Variants in MCTP1 observed in about 807,000 individuals in gnomAD.
The protein encoded by MCTP1 is multiple C2 and transmembrane domain-containing protein 1.
MCTP1 carries 69 observed loss-of-function variants against 120.6 expected under a neutral mutation model. That is an observed-to-expected ratio of 0.57 (90% CI 0.47 to 0.70). The LOEUF is 0.70. Ranked by LOEUF, MCTP1 falls within the 30% of genes least tolerant of loss-of-function variation. The pLI is 0.00. For missense variants in MCTP1, 1,203 were observed against 1,248.8 expected (o/e 0.96, Z 0.55); for synonymous variants, 529 against 493.1 (o/e 1.07, Z -0.96).
At chr5:94,940,507 T>G (rs13180281) in intron 4 of MCTP1, among the ~76,000 whole-genome samples, 6,359 of 146,736 alleles carry the variant, frequency 0.043, 192 homozygotes, top group Middle Eastern at 0.085. Context: ...CCACAGAGAG[T>G]AGCGCCATAC....
chr5:94,767,146 C>A (rs1413133081), intron 19 of MCTP1, among the ~76,000 whole-genome samples: 2 of 152,184 alleles, frequency 1.3e-5, no homozygotes. Context: ...TGATACATCA[C>A]ATTAACAGAC....
At chr5:94,964,728 G>A (rs958755096) in intron 2 of MCTP1, among the ~76,000 whole-genome samples, 1 of 151,976 alleles carries the variant, frequency 6.6e-6, no homozygotes, top group African/African-American at 2.4e-5. Flanking sequence ...ATCTATATGT[G>A]TCCTTAAAGG....
At chr5:95,235,001 C>A (rs1755382645) in intron 1 of MCTP1, among the ~76,000 whole-genome samples, 1 of 152,012 alleles carries the variant, frequency 6.6e-6, no homozygotes, top group South Asian at 2.1e-4. Flanking sequence ...CCATTATTTC[C>A]CTGATAAACA....
rs568254447 is a variant in MCTP1 at position 94,813,711 on chromosome 5, C to A, written c.2437-14579G>T. Among the ~76,000 whole-genome samples, 5 of 152,074 alleles carry A rather than the reference C, an allele frequency of 3.3e-5. No individual in the cohort carries two copies. The East Asian group carries it at 7.8e-4, about 24-fold the overall frequency. On this transcript the variant is annotated intron_variant, in intron 17 of 22. Coordinates refer to ENST00000515393, the MANE Select transcript of MCTP1 (RefSeq NM_024717.7). Reference sequence around the variant, plus strand: ...GACCAGCCTGGGCAACATAGTGAGACCTTGTCTCTACAACAAAATTTTAAA... The same window carrying A: ...GACCAGCCTGGGCAACATAGTGAGAACTTGTCTCTACAACAAAATTTTAAA...
chr5:94,852,772 A>G (rs1581038415), intron 17 of MCTP1, among the ~76,000 whole-genome samples: 1 of 151,970 alleles, frequency 6.6e-6, no homozygotes, highest in Non-Finnish European at 1.5e-5. Flanking sequence ...TCCTATTATC[A>G]GTATGAATTC....
intron 17 of MCTP1, among the ~76,000 whole-genome samples, chr5:94,833,204 T>C (rs1431565173): frequency 6.6e-6 from 1 of 151,692 alleles, no homozygotes; most frequent in Admixed American, 6.6e-5. Flanking sequence ...TTTGTGTGCT[T>C]TTTTTTTGGC....
At chr5:94,833,546 C>T (rs1253467720) in intron 17 of MCTP1, among the ~76,000 whole-genome samples, 1 of 151,984 alleles carries the variant, frequency 6.6e-6, no homozygotes, top group Non-Finnish European at 1.5e-5. Flanking sequence ...ATGGAAAAAA[C>T]AAATTTGTTT....
intron 5 of MCTP1, among the ~76,000 whole-genome samples, chr5:94,936,299 TTATA>T (rs1276229199): frequency 6.6e-6 from 1 of 151,530 alleles, no homozygotes; most frequent in Admixed American, 6.6e-5. Flanking sequence ...ACTTTATGTA[TTATA>T]TATATATATT....
chr5:94,838,727 C>G (rs40172), intron 17 of MCTP1, among the ~76,000 whole-genome samples: 9 of 151,984 alleles, frequency 5.9e-5, no homozygotes, highest in Admixed American at 6.6e-5. Flanking sequence ...GTTGAGTGGA[C>G]AAATAAATGT....
At chr5:94,915,474 A>C (rs890864676) in intron 8 of MCTP1, among the ~76,000 whole-genome samples, 2 of 152,164 alleles carry the variant, frequency 1.3e-5, no homozygotes, top group African/African-American at 4.8e-5. Flanking sequence ...TGTGTTTATA[A>C]TATTTCAGCT....
At chr5:94,757,082 G>T (rs1425707928) in intron 19 of MCTP1, among the ~76,000 whole-genome samples, 1 of 152,138 alleles carries the variant, frequency 6.6e-6, no homozygotes, top group Non-Finnish European at 1.5e-5. Context: ...GTGAATGACA[G>T]AACCTACCTA....
chr5:95,107,373 T>TA lies in MCTP1; in HGVS notation c.721-89890dup, dbSNP rs1156735309. Among the ~76,000 whole-genome samples the TA allele has an allele frequency of 2.0e-5, 3 of 152,318 alleles. No homozygotes were observed. The South Asian group carries it at 6.2e-4, about 32-fold the overall frequency. On this transcript the variant is annotated intron_variant, in intron 1 of 22. Coordinates refer to ENST00000515393, the MANE Select transcript of MCTP1 (RefSeq NM_024717.7). ...AAAAGTTGCATGGCAACACCCTTCA[T>TA]AAAACTAGATGAGTCAAAAAAGAGA...
intron 19 of MCTP1, among the ~76,000 whole-genome samples, chr5:94,732,755 C>G (rs1209005899): frequency 1.3e-5 from 2 of 152,136 alleles, no homozygotes; most frequent in Non-Finnish European, 2.9e-5. Context: ...TGAAAGACAG[C>G]TGTCTATAGA....
intron 1 of MCTP1, among the ~76,000 whole-genome samples, chr5:95,198,177 G>A (rs1360315036): frequency 6.6e-6 from 1 of 151,918 alleles, no homozygotes; most frequent in Non-Finnish European, 1.5e-5. Flanking sequence ...ATATGTAAAT[G>A]CATATCTAAA....
chr5:94,879,774 T>C (rs1475500571), intron 12 of MCTP1, among the ~76,000 whole-genome samples: 1 of 152,138 alleles, frequency 6.6e-6, no homozygotes, highest in African/African-American at 2.4e-5. Flanking sequence ...TAGTTTTGGC[T>C]TCAGAGATCC....
intron 1 of MCTP1, among the ~76,000 whole-genome samples, chr5:95,119,297 T>C (rs1467050578): frequency 6.6e-6 from 1 of 152,120 alleles, no homozygotes; most frequent in Admixed American, 6.5e-5. Context: ...AGTGAGTCAA[T>C]GAAGACATTA....
At position 94,866,942 on chromosome 5, in the gene MCTP1, A is replaced by G. The variant is rs537249284; in HGVS notation, c.2436+1391T>C. ...ATTTCTGGTCTTTTCAAATTTTACA[A>G]ATAGCTGTGAGGAATGATTTTGGAA... On this transcript the variant is annotated intron_variant, in intron 17 of 22. Coordinates refer to ENST00000515393, the MANE Select transcript of MCTP1 (RefSeq NM_024717.7). 2.6e-5 allele frequency among the ~76,000 whole-genome samples: 4 copies of G among 152,032 alleles called. No individual in the cohort carries two copies. The East Asian group carries it at 7.8e-4, about 29-fold the overall frequency.
intron 3 of MCTP1, among the ~76,000 whole-genome samples, chr5:94,950,591 G>A (rs1047794359): frequency 6.6e-6 from 1 of 151,954 alleles, no homozygotes; most frequent in Non-Finnish European, 1.5e-5. Flanking sequence ...CACCTATACT[G>A]TATATTTATA....
At chr5:94,962,242 C>A (rs1212800667) in intron 2 of MCTP1, among the ~76,000 whole-genome samples, 11 of 151,960 alleles carry the variant, frequency 7.2e-5, no homozygotes, top group African/African-American at 2.7e-4. Flanking sequence ...GTGGAGATTC[C>A]TTAAAGAACT....
Sources: gnomAD v4.1 joint callset for allele counts (sites outside exome capture counted in the v4.1 genomes callset) on GRCh38, gnomAD v4.1.1 for gene constraint, MANE v1.5 for transcripts, NCBI Gene and HGNC (gene_info 2026-07-23, HGNC 2026-07-21) for gene names.